Variants in TRPM3 observed in about 807,000 individuals in gnomAD.
TRPM3 encodes the protein long transient receptor potential channel 3.
In TRPM3, 77 loss-of-function variants were observed where a neutral mutation model predicts 181.2. The ratio of observed to expected loss-of-function variants is 0.42; its 90% CI spans 0.35 to 0.51. The LOEUF (loss-of-function observed/expected upper bound fraction) is 0.51, where lower values mean the gene tolerates loss of function less well. Among genes scored for constraint, TRPM3 ranks in the 20% least tolerant of loss-of-function variants. The pLI is 0.01. For missense variants in TRPM3, 1,759 were observed against 2,196.7 expected (o/e 0.80, Z 3.98); for synonymous variants, 745 against 796.4 (o/e 0.94, Z 1.09).
intron 1 of TRPM3, among the ~76,000 whole-genome samples, chr9:71,232,491 CTTTTTTTTTT>C (rs71352362): frequency 1.5e-4 from 9 of 59,126 alleles, no homozygotes; most frequent in East Asian, 4.7e-4. Context: ...AATTCAGTGT[CTTTTTTTTTT>C]TTTTTTTTTT....
At chr9:70,738,171 C>T (rs1381126429) in intron 8 of TRPM3, among the ~76,000 whole-genome samples, 1 of 152,074 alleles carries the variant, frequency 6.6e-6, no homozygotes, top group African/African-American at 2.4e-5. Context: ...ATATCAACTA[C>T]TCTCTCAGAC....
intron 1 of TRPM3, among the ~76,000 whole-genome samples, chr9:71,129,365 C>G (rs1481272410): frequency 6.6e-6 from 1 of 152,062 alleles, no homozygotes; most frequent in Admixed American, 6.6e-5. Flanking sequence ...AGTCACTGGG[C>G]AATTCATTTA....
rs142851887 is a variant in TRPM3, at chr9:70,853,072, G to T, written c.463-6481C>A. Among the ~76,000 whole-genome samples, 401 of 152,232 alleles carry T rather than the reference G, an allele frequency of 2.6e-3. 2 individuals are homozygous for T. The highest frequency in any genetic ancestry group is 9.2e-3 in the African/African-American group (381 of 41,546). On this transcript the variant is annotated intron_variant, in intron 3 of 25. Coordinates refer to ENST00000677713, the MANE Select transcript of TRPM3 (RefSeq NM_001366145.2). ...ACCATGTCTTTTTCTCTTTAGTAAGGCTTTCAGCACTGGCTATGAAGTAGT... is the reference window on the plus strand; with the variant it reads ...ACCATGTCTTTTTCTCTTTAGTAAGTCTTTCAGCACTGGCTATGAAGTAGT...
At chr9:70,749,613 G>A (rs943655589) in intron 8 of TRPM3, among the ~76,000 whole-genome samples, 2 of 152,250 alleles carry the variant, frequency 1.3e-5, no homozygotes, top group African/African-American at 4.8e-5. Context: ...ACCAAAAACT[G>A]TGTAGTAATA....
At chr9:71,142,123 T>G (rs561263859) in intron 1 of TRPM3, among the ~76,000 whole-genome samples, 84 of 152,304 alleles carry the variant, frequency 5.5e-4, no homozygotes, top group Non-Finnish European at 1.0e-3. Context: ...AACAAATGCA[T>G]AGTCAAGAGG....
intron 1 of TRPM3, among the ~76,000 whole-genome samples, chr9:71,442,179 A>C (rs1283507449): frequency 6.6e-6 from 1 of 152,130 alleles, no homozygotes; most frequent in African/African-American, 2.4e-5. Flanking sequence ...ACACTCTCTC[A>C]GTTGCCCACT....
intron 1 of TRPM3, among the ~76,000 whole-genome samples, chr9:71,424,958 A>G (rs879498031): frequency 5.9e-5 from 9 of 152,154 alleles, no homozygotes; most frequent in Non-Finnish European, 1.2e-4. Flanking sequence ...AAATTCACAT[A>G]GAATTCATAT....
intron 1 of TRPM3, among the ~76,000 whole-genome samples, chr9:71,338,785 T>C (rs1017640652): frequency 1.4e-4 from 22 of 152,140 alleles, no homozygotes; most frequent in Admixed American, 1.4e-3. Context: ...CTCTCAGTCT[T>C]AGAGTCAGCA....
At chr9:70,563,999 TG>T (rs772751696) in intron 22 of TRPM3, among the ~76,000 whole-genome samples, 16 of 152,204 alleles carry the variant, frequency 1.1e-4, no homozygotes, top group African/African-American at 3.6e-4. Flanking sequence ...CATTTTTCTC[TG>T]GTTGAGAACA....
At chr9:70,977,838 G>A (rs2097322007) in intron 1 of TRPM3, among the ~76,000 whole-genome samples, 1 of 152,216 alleles carries the variant, frequency 6.6e-6, no homozygotes, top group Non-Finnish European at 1.5e-5. Context: ...CGTGGGAAGT[G>A]GCACAAAGCT....
chr9:71,407,638 C>T (rs1182963598), intron 1 of TRPM3, among the ~76,000 whole-genome samples: 1 of 152,224 alleles, frequency 6.6e-6, no homozygotes, highest in Non-Finnish European at 1.5e-5. Context: ...TAGACTCCAC[C>T]TCTGGGGGCA....
chr9:70,836,898 C>G (rs1381032314), intron 5 of TRPM3, among the ~76,000 whole-genome samples: 3 of 152,148 alleles, frequency 2.0e-5, no homozygotes, highest in African/African-American at 7.2e-5. Flanking sequence ...AGGTAGATAT[C>G]TCAAAGGAAA....
chr9:70,903,376 G>A (rs562572921), intron 1 of TRPM3, among the ~76,000 whole-genome samples: 1 of 152,282 alleles, frequency 6.6e-6, no homozygotes, highest in South Asian at 2.1e-4. Flanking sequence ...TAGTGCCACT[G>A]TATGGAAATG....
intron 1 of TRPM3, among the ~76,000 whole-genome samples, chr9:71,187,636 T>C (rs77394912): frequency 0.084 from 12,790 of 151,884 alleles, 642 homozygotes; most frequent in Non-Finnish European, 0.11. Flanking sequence ...TTATTTTTAT[T>C]TAAAAACTAT....
intron 1 of TRPM3, among the ~76,000 whole-genome samples, chr9:71,249,620 C>A (rs76154008): frequency 0.011 from 1,748 of 152,164 alleles, 29 homozygotes; most frequent in African/African-American, 0.04. Flanking sequence ...ACAGCTGTTT[C>A]CTTTAAAGAT....
At chr9:71,377,100 G>A (rs1410415276) in intron 1 of TRPM3, among the ~76,000 whole-genome samples, 1 of 152,066 alleles carries the variant, frequency 6.6e-6, no homozygotes, top group Non-Finnish European at 1.5e-5. Context: ...AGAATAAACG[G>A]TAAAACTGAA....
At chr9:71,425,898 G>A (rs2093854451) in intron 1 of TRPM3, among the ~76,000 whole-genome samples, 1 of 151,894 alleles carries the variant, frequency 6.6e-6, no homozygotes, top group Admixed American at 6.6e-5. Context: ...GTTCTTTACT[G>A]TTGAAGAGAG....
chr9:71,100,088 A>T (rs192272085), intron 1 of TRPM3, among the ~76,000 whole-genome samples: 8 of 152,240 alleles, frequency 5.3e-5, no homozygotes, highest in Non-Finnish European at 2.9e-5. Flanking sequence ...CAAGGGATAG[A>T]TATATTTCTG....
chr9:71,424,596 C>T (rs72735853), intron 1 of TRPM3, among the ~76,000 whole-genome samples: 3 of 152,026 alleles, frequency 2.0e-5, no homozygotes, highest in Non-Finnish European at 4.4e-5. Context: ...TGAATGAGTC[C>T]CTTTGCTTTT....
Sources: allele counts gnomAD v4.1 joint callset (sites outside exome capture counted in the v4.1 genomes callset), GRCh38; gene constraint gnomAD v4.1.1; transcripts MANE v1.5; gene names NCBI Gene and HGNC (gene_info 2026-07-23, HGNC 2026-07-21).